The following GNA14 variants were observed in gnomAD, a reference collection of about 807,000 sequenced individuals.
GNA14 encodes guanine nucleotide-binding protein subunit alpha-14.
GNA14 carries 50 observed loss-of-function variants against 42.0 expected under a neutral mutation model. That is an observed-to-expected ratio of 1.19 (90% CI 0.95 to 1.51). The LOEUF (loss-of-function observed/expected upper bound fraction) is 1.51, where lower values mean the gene tolerates loss of function less well. Among genes scored for constraint, GNA14 ranks in the 40% most tolerant of loss-of-function variants. GNA14 has a pLI of 0.00. For missense variants in GNA14, 473 were observed against 446.2 expected, an observed-to-expected ratio of 1.06 and a Z score of -0.54; for synonymous variants, 173 against 163.1, an observed-to-expected ratio of 1.06 and a Z score of -0.46.
intron 1 of GNA14, among the ~76,000 whole-genome samples, chr9:77,577,381 A>G (rs138990617): frequency 2.0e-5 from 3 of 152,360 alleles, no homozygotes; most frequent in African/African-American, 7.2e-5. Context: ...TTAGTATAAC[A>G]ATAAAATAGA....
At chr9:77,603,992 A>G (rs937642669) in intron 1 of GNA14, among the ~76,000 whole-genome samples, 1 of 149,846 alleles carries the variant, frequency 6.7e-6, no homozygotes, top group Non-Finnish European at 1.5e-5. Flanking sequence ...CACCTCTGAG[A>G]AAAGTCTAGA....
intron 2 of GNA14, among the ~76,000 whole-genome samples, chr9:77,465,419 G>A (rs1836204499): frequency 1.3e-5 from 2 of 152,092 alleles, no homozygotes; most frequent in South Asian, 4.1e-4. Flanking sequence ...CTCCTTCGTT[G>A]AGGCCATTTG....
intron 1 of GNA14, among the ~76,000 whole-genome samples, chr9:77,622,893 CAA>C (rs1184648958): frequency 2.4e-4 from 19 of 77,618 alleles, no homozygotes; most frequent in African/African-American, 2.1e-4. Flanking sequence ...GACTCTGTCT[CAA>C]AAAAAAAAAA....
At chr9:77,427,098 T>A (rs780482198) in intron 5 of GNA14, among the ~76,000 whole-genome samples, 3 of 152,158 alleles carry the variant, frequency 2.0e-5, no homozygotes, top group Non-Finnish European at 2.9e-5. Flanking sequence ...ATAATACATA[T>A]CTACAACCAG....
chr9:77,543,885 T>C (rs1373451844), intron 1 of GNA14, among the ~76,000 whole-genome samples: 2 of 152,178 alleles, frequency 1.3e-5, no homozygotes, highest in South Asian at 2.1e-4. Context: ...TCTTGCCTCC[T>C]TCCCATAAGT....
At chr9:77,567,809 G>A (rs1410630357) in intron 1 of GNA14, among the ~76,000 whole-genome samples, 1 of 150,746 alleles carries the variant, frequency 6.6e-6, no homozygotes, top group East Asian at 1.9e-4. Flanking sequence ...GGAGGTTGCA[G>A]TGAGCCAAGA....
intron 2 of GNA14, among the ~76,000 whole-genome samples, chr9:77,482,877 C>T (rs1175305526): frequency 2.1e-5 from 3 of 146,010 alleles, no homozygotes; most frequent in South Asian, 2.2e-4. Flanking sequence ...TCCTTCACGT[C>T]GTTCTTGAGC....
At chr9:77,537,077 G>A (rs1837607316) in intron 1 of GNA14, among the ~76,000 whole-genome samples, 1 of 152,124 alleles carries the variant, frequency 6.6e-6, no homozygotes, top group South Asian at 2.1e-4. Flanking sequence ...CTCTGTGTCA[G>A]TAACATTTCA....
At chr9:77,572,625 CAACA>C (rs68089408) in intron 1 of GNA14, among the ~76,000 whole-genome samples, 77,112 of 151,558 alleles carry the variant, frequency 0.51, 22,930 homozygotes, top group East Asian at 0.84. Context: ...AATTAACTAG[CAACA>C]AATACAACAA....
Position 77,546,282 on chromosome 9 carries a change from T to C in GNA14, c.125-17029A>G, listed in dbSNP as rs945553914. Among the ~76,000 whole-genome samples the C allele has an allele frequency of 2.7e-5, 4 of 150,732 alleles. No individual in the cohort carries two copies. In the East Asian group the frequency reaches 5.9e-4, roughly 22 times the overall value. On this transcript the variant is annotated intron_variant, in intron 1 of 6. Coordinates refer to ENST00000341700, the MANE Select transcript of GNA14 (RefSeq NM_004297.4). ...CTCCTTATCTAATCACCATATAGCC[T>C]TGGGCTTTTTCTTAGCATTTAATTC... is the stretch of plus-strand genomic sequence containing the variant.
At chr9:77,607,367 A>G (rs192321873) in intron 1 of GNA14, among the ~76,000 whole-genome samples, 135 of 152,348 alleles carry the variant, frequency 8.9e-4, no homozygotes, top group African/African-American at 3.2e-3. Flanking sequence ...ATAAGTCAGT[A>G]CACAGGAAGA....
chr9:77,445,525 C>A (rs1315717162), intron 2 of GNA14, among the ~76,000 whole-genome samples: 1 of 143,996 alleles, frequency 6.9e-6, no homozygotes, highest in Non-Finnish European at 1.5e-5. Context: ...CCACCCTGGG[C>A]CGCAAAGTGA....
At chr9:77,608,953 T>G (rs1279162491) in intron 1 of GNA14, among the ~76,000 whole-genome samples, 1 of 152,086 alleles carries the variant, frequency 6.6e-6, no homozygotes, top group Non-Finnish European at 1.5e-5. Context: ...CCATACTATC[T>G]CCTTATCAAA....
intron 1 of GNA14, among the ~76,000 whole-genome samples, chr9:77,638,050 C>T (rs1159337865): frequency 6.6e-6 from 1 of 152,154 alleles, no homozygotes; most frequent in Non-Finnish European, 1.5e-5. Context: ...CTTGCTTGTT[C>T]TATCTGTAAC....
chr9:77,576,092 T>G (rs1194652588), intron 1 of GNA14, among the ~76,000 whole-genome samples: 1 of 152,266 alleles, frequency 6.6e-6, no homozygotes, highest in African/African-American at 2.4e-5. Flanking sequence ...TATGGTTGCA[T>G]GTTTTTAAAT....
At chr9:77,525,426 T>A (rs1837417873) in intron 2 of GNA14, among the ~76,000 whole-genome samples, 1 of 152,120 alleles carries the variant, frequency 6.6e-6, no homozygotes, top group African/African-American at 2.4e-5. Context: ...GCAACAGGAA[T>A]TGAGATACTT....
At chr9:77,434,268 G>T in intron 3 of GNA14, 100 bp downstream of exon 3, 1 of 1,098,730 alleles carries the variant, frequency 9.1e-7, no homozygotes, top group Non-Finnish European at 1.3e-6. Flanking sequence ...CGCTGCCACT[G>T]TGCACCGCAT....
intron 1 of GNA14, among the ~76,000 whole-genome samples, chr9:77,573,558 G>T (rs577751830): frequency 1.2e-3 from 177 of 152,268 alleles, no homozygotes; most frequent in Non-Finnish European, 2.2e-3. Context: ...AGATAAGCTG[G>T]CTAATTTTCT....
At chr9:77,609,802 A>T (rs12337648) in intron 1 of GNA14, among the ~76,000 whole-genome samples, 21,476 of 152,150 alleles carry the variant, frequency 0.14, 2,158 homozygotes, top group African/African-American at 0.29. Flanking sequence ...AATGTGATTT[A>T]AAAGCCTCAG....
Sources: allele counts gnomAD v4.1 joint callset (sites outside exome capture counted in the v4.1 genomes callset), GRCh38; gene constraint gnomAD v4.1.1; transcripts MANE v1.5; gene names NCBI Gene and HGNC (gene_info 2026-07-23, HGNC 2026-07-21).